Variants in FBXL13 observed in about 807,000 individuals in gnomAD.
FBXL13 encodes F-box and leucine-rich repeat protein 13.
A neutral mutation model predicts 83.6 loss-of-function variants in FBXL13; 67 were observed. That is an observed-to-expected ratio of 0.80 (90% confidence interval 0.66 to 0.98). FBXL13 has a LOEUF of 0.98. Ranked by LOEUF, FBXL13 falls within the 50% of genes least tolerant of loss-of-function variation. FBXL13 has a pLI of 0.00. For synonymous variants in FBXL13, 272 were observed against 299.5 expected (o/e 0.91, Z 0.95); for missense variants, 822 against 866.5 (o/e 0.95, Z 0.64).
chr7:103,013,847 A>T (rs1196889868), intron 6 of FBXL13, among the ~76,000 whole-genome samples: 1 of 152,158 alleles, frequency 6.6e-6, no homozygotes, highest in Non-Finnish European at 1.5e-5. Flanking sequence ...TAAATCCAGG[A>T]GCTTTTTCTT....
chr7:102,858,642 A>G (rs1164149039), intron 16 of FBXL13, among the ~76,000 whole-genome samples: 1 of 152,232 alleles, frequency 6.6e-6, no homozygotes, highest in East Asian at 1.9e-4. Context: ...AGGTCCATAC[A>G]ATGGAATATT....
intron 12 of FBXL13, 105 bp downstream of exon 13, chr7:102,884,109 A>G (rs1810471363): frequency 3.6e-6 from 3 of 827,772 alleles, no homozygotes; most frequent in Non-Finnish European, 5.9e-6. Flanking sequence ...CTATTTTAAA[A>G]TAACTAAAAT....
At chr7:102,894,813 A>C (rs1348152058) in intron 11 of FBXL13, among the ~76,000 whole-genome samples, 1 of 152,082 alleles carries the variant, frequency 6.6e-6, no homozygotes, top group East Asian at 1.9e-4. Context: ...TCTTTCTGTA[A>C]ATTTAAAGAA....
chr7:102,849,586 T>A (rs954126305), intron 17 of FBXL13, among the ~76,000 whole-genome samples: 1 of 152,232 alleles, frequency 6.6e-6, no homozygotes, highest in African/African-American at 2.4e-5. Flanking sequence ...AAAGTGCAGA[T>A]AATCTAAACA....
In FBXL13 at chr7:103,055,216, C is replaced by T. The variant is rs752488196; in HGVS notation, c.-1+428G>A. ...CATAAAATACAGTCAAAATTAATTTCATTAATTAGTTAGTTCCGTAATTAA... is the reference window on the plus strand; with the variant it reads ...CATAAAATACAGTCAAAATTAATTTTATTAATTAGTTAGTTCCGTAATTAA... On this transcript the variant is annotated intron_variant, in intron 2 of 19. Coordinates refer to ENST00000313221, the Ensembl canonical transcript of FBXL13. The T allele has an allele frequency of 6.5e-6, 7 of 1,069,522 alleles. No individual in the cohort carries two copies. In the South Asian group the frequency reaches 7.0e-5, roughly 11 times the overall value. The allele number at this position is 1,069,522 out of a possible 1,614,324, so 66.3% of individuals were successfully genotyped here.
At chr7:102,888,093 G>A (rs570151734) in intron 11 of FBXL13, among the ~76,000 whole-genome samples, 19 of 152,192 alleles carry the variant, frequency 1.2e-4, no homozygotes, top group South Asian at 2.1e-4. Flanking sequence ...CCTGCAATCC[G>A]TGTGTGCCTT....
chr7:103,071,622 T>G (rs1798969996), intron 1 of FBXL13, among the ~76,000 whole-genome samples: 1 of 149,786 alleles, frequency 6.7e-6, no homozygotes, highest in Admixed American at 6.7e-5. Context: ...GGTCTTGAAC[T>G]CCTGGCAAGC....
At chr7:102,995,250 G>A (rs1242321528) in intron 6 of FBXL13, among the ~76,000 whole-genome samples, 2 of 152,008 alleles carry the variant, frequency 1.3e-5, no homozygotes, top group Admixed American at 6.6e-5. Context: ...GGGAGGCCAA[G>A]GCGGGCAGAT....
chr7:102,975,571 G>C (rs975255019), intron 6 of FBXL13, among the ~76,000 whole-genome samples: 3 of 152,176 alleles, frequency 2.0e-5, no homozygotes, highest in Non-Finnish European at 4.4e-5. Flanking sequence ...TGCCCATAAA[G>C]TGGTAAACTA....
chr7:102,925,348 T>A (rs975446549), intron 10 of FBXL13, among the ~76,000 whole-genome samples: 1 of 152,154 alleles, frequency 6.6e-6, no homozygotes, highest in African/African-American at 2.4e-5. Flanking sequence ...TAAGCCATGA[T>A]TGTACCATTG....
intron 8 of FBXL13, among the ~76,000 whole-genome samples, chr7:102,961,502 A>C (rs1825201797): frequency 7.1e-6 from 1 of 140,482 alleles, no homozygotes; most frequent in African/African-American, 2.7e-5. Context: ...GTTCATATGG[A>C]ACCAAAAAAG....
chr7:102,853,086 CATT>C, intron 17 of FBXL13, among the ~76,000 whole-genome samples: 1 of 152,246 alleles, frequency 6.6e-6, no homozygotes, highest in East Asian at 1.9e-4. Flanking sequence ...GAAAACCAAA[CATT>C]GTATGTTCTC....
At chr7:103,070,418 A>G (rs982597427) in intron 1 of FBXL13, among the ~76,000 whole-genome samples, 2 of 151,996 alleles carry the variant, frequency 1.3e-5, no homozygotes, top group Admixed American at 6.6e-5. Context: ...TAGTAGAGAC[A>G]GGGTTTCAGC....
At chr7:102,939,198 G>A (rs1302132671) in intron 8 of FBXL13, among the ~76,000 whole-genome samples, 2 of 152,206 alleles carry the variant, frequency 1.3e-5, no homozygotes, top group Non-Finnish European at 2.9e-5. Flanking sequence ...TAGGGCCTTA[G>A]TGAGGACTCT....
At chr7:103,020,940 A>G (rs1218190108) in intron 6 of FBXL13, among the ~76,000 whole-genome samples, 2 of 152,238 alleles carry the variant, frequency 1.3e-5, no homozygotes, top group African/African-American at 4.8e-5. Flanking sequence ...TGCTATCCCC[A>G]TCAAGCTACC....
intron 18 of FBXL13, among the ~76,000 whole-genome samples, chr7:102,829,414 G>T (rs527241632): frequency 1.3e-5 from 2 of 152,144 alleles, no homozygotes; most frequent in Non-Finnish European, 2.9e-5. Flanking sequence ...GCCTGCTTTC[G>T]CTTACCTTAT....
At chr7:103,048,463 A>T (rs1308682844) in intron 2 of FBXL13, among the ~76,000 whole-genome samples, 2 of 151,700 alleles carry the variant, frequency 1.3e-5, no homozygotes, top group Admixed American at 1.3e-4. Flanking sequence ...TTACCTTTTA[A>T]TATTACATGA....
intron 9 of FBXL13, among the ~76,000 whole-genome samples, chr7:102,927,744 T>G (rs1420314500): frequency 6.6e-6 from 1 of 152,168 alleles, no homozygotes; most frequent in East Asian, 1.9e-4. Context: ...GCTGTCAGCA[T>G]TTTTTCTAGA....
chr7:103,000,784 A>G (rs1790303610), intron 6 of FBXL13, among the ~76,000 whole-genome samples: 1 of 152,186 alleles, frequency 6.6e-6, no homozygotes, highest in African/African-American at 2.4e-5. Flanking sequence ...GGATGCACAT[A>G]TATTTACAAT....
Sources: gnomAD v4.1 joint callset for allele counts (sites outside exome capture counted in the v4.1 genomes callset) on GRCh38, gnomAD v4.1.1 for gene constraint, MANE v1.5 for transcripts, NCBI Gene and HGNC (gene_info 2026-07-23, HGNC 2026-07-21) for gene names.